RNGTT: variants seen among roughly 807,000 people sequenced by gnomAD.
The protein encoded by RNGTT is mRNA-capping enzyme.
In RNGTT, 33 loss-of-function variants were observed where a neutral mutation model predicts 79.3. The observed-to-expected ratio is 0.42, with a 90% CI of 0.32 to 0.56. The LOEUF (loss-of-function observed/expected upper bound fraction) is 0.56. Ranked by LOEUF, RNGTT falls within the 20% of genes least tolerant of loss-of-function variation. RNGTT has a pLI of 0.17. For synonymous variants in RNGTT, 222 were observed against 235.9 expected (o/e 0.94, Z 0.54); for missense variants, 497 against 739.1 (o/e 0.67, Z 3.80).
chr6:88,709,229 C>T (rs899651974), intron 13 of RNGTT, among the ~76,000 whole-genome samples: 7 of 151,898 alleles, frequency 4.6e-5, no homozygotes, highest in African/African-American at 1.2e-4. Flanking sequence ...CACTTGAACC[C>T]GGAAGGAGGA....
rs190148217 is a variant in RNGTT, at chr6:88,736,466, T to C, written c.1439+33308A>G. Among the ~76,000 whole-genome samples, 21 of 152,328 alleles carry C rather than the reference T, an allele frequency of 1.4e-4. No individual in the cohort carries two copies. In the East Asian group the frequency reaches 3.9e-3, roughly 28 times the overall value. On this transcript the variant is annotated intron_variant, in intron 13 of 15. Transcript: ENST00000369485. ...GAAATTGGATATTCACTCAGGAGAA[T>C]GATAACTAACTTCTCTAATACTTTG...
Position 88,891,147 on chromosome 6 carries a change from T to C in RNGTT, c.795-551A>G, listed in dbSNP as rs141155808. Among the ~76,000 whole-genome samples the C allele has an allele frequency of 5.0e-4, 76 of 152,296 alleles. No homozygotes were observed. The East Asian group carries it at 0.013, about 27-fold the overall frequency. On this transcript the variant is annotated intron_variant, in intron 7 of 15. Coordinates refer to ENST00000369485, the MANE Select transcript of RNGTT (RefSeq NM_003800.5). ...CATTAAAACCGATCTTATTTCTTCA[T>C]TGTTTTCATATTTTAGTTAAAACTA...
chr6:88,824,691 T>C (rs1175508789), intron 11 of RNGTT, among the ~76,000 whole-genome samples: 1 of 151,500 alleles, frequency 6.6e-6, no homozygotes, highest in Non-Finnish European at 1.5e-5. Flanking sequence ...AGAAAACACA[T>C]ATAAACAAGA....
intron 2 of RNGTT, among the ~76,000 whole-genome samples, chr6:88,931,077 A>G (rs914099274): frequency 3.3e-5 from 5 of 152,028 alleles, no homozygotes; most frequent in African/African-American, 1.2e-4. Context: ...TAATGTTCCA[A>G]TAAGCATTTC....
intron 13 of RNGTT, among the ~76,000 whole-genome samples, chr6:88,702,831 C>G: frequency 6.6e-6 from 1 of 151,996 alleles, no homozygotes; most frequent in East Asian, 1.9e-4. Flanking sequence ...CGGAATCTAT[C>G]AGTAACTGAA....
intron 11 of RNGTT, among the ~76,000 whole-genome samples, chr6:88,835,218 T>A (rs1781022747): frequency 6.6e-6 from 1 of 152,196 alleles, no homozygotes; most frequent in African/African-American, 2.4e-5. Context: ...TCTTTTTTAA[T>A]TCTAGCTTTT....
chr6:88,823,699 G>A (rs1780568169), intron 11 of RNGTT, among the ~76,000 whole-genome samples: 1 of 152,104 alleles, frequency 6.6e-6, no homozygotes, highest in African/African-American at 2.4e-5. Context: ...GTTAGAGCTG[G>A]TACAGGAAAA....
Position 88,706,438 on chromosome 6 carries a change from T to C in RNGTT, c.1440-28019A>G, listed in dbSNP as rs536149544. On this transcript the variant is annotated intron_variant, in intron 13 of 15. Transcript: ENST00000369485. ...TGTAAATTTATCTATTTTATATAAA[T>C]AACTTAGGGATACAAAGAACTGGCA... 3.9e-4 allele frequency among the ~76,000 whole-genome samples: 60 copies of C among 152,130 alleles called. No individual in the cohort carries two copies. The South Asian group carries it at 8.9e-3, about 23-fold the overall frequency.
chr6:88,706,544 G>A (rs542978743), intron 13 of RNGTT, among the ~76,000 whole-genome samples: 2 of 152,026 alleles, frequency 1.3e-5, no homozygotes, highest in South Asian at 4.1e-4. Flanking sequence ...AATTTAAAGG[G>A]TTCCAAGCAG....
chr6:88,849,476 A>T (rs1562284393), intron 10 of RNGTT, among the ~76,000 whole-genome samples: 2 of 151,974 alleles, frequency 1.3e-5, no homozygotes, highest in African/African-American at 4.8e-5. Flanking sequence ...TAAAATCAGA[A>T]ATGTTCATTT....
intron 2 of RNGTT, among the ~76,000 whole-genome samples, chr6:88,929,931 T>A (rs192200683): frequency 6.6e-6 from 1 of 150,700 alleles, no homozygotes; most frequent in Admixed American, 6.6e-5. Context: ...TATATACATA[T>A]GTATACATAT....
chr6:88,754,736 T>C (rs1675830054), intron 13 of RNGTT, among the ~76,000 whole-genome samples: 1 of 152,196 alleles, frequency 6.6e-6, no homozygotes, highest in Non-Finnish European at 1.5e-5. Context: ...GGAAAACCAC[T>C]TAAAGGCGTT....
intron 2 of RNGTT, among the ~76,000 whole-genome samples, chr6:88,940,779 C>T (rs910532807): frequency 1.3e-5 from 2 of 151,866 alleles, no homozygotes; most frequent in Admixed American, 6.5e-5. Context: ...TCAAACTGTA[C>T]TGAACTACAC....
intron 12 of RNGTT, among the ~76,000 whole-genome samples, chr6:88,787,530 G>A (rs984092822): frequency 5.9e-5 from 9 of 152,056 alleles, no homozygotes; most frequent in Non-Finnish European, 1.0e-4. Flanking sequence ...GTGGTGGTGC[G>A]GGCCTGCATT....
chr6:88,611,491 A>G lies in RNGTT; in HGVS notation c.*1228T>C, dbSNP rs1184115223. The G allele has an allele frequency of 6.6e-6, 1 of 152,600 alleles. No homozygotes were observed. Among genetic ancestry groups the G allele is most frequent in the East Asian group, 1.9e-4 (1 of 5,202 alleles). The allele number at this position is 152,600 out of a possible 1,614,324, so 9.5% of individuals were successfully genotyped here. A position where few individuals can be genotyped will look rare whatever the true frequency, so the allele number is the denominator to read the frequency against. On this transcript the variant is annotated 3_prime_UTR_variant, in exon 16 of 16. Coordinates refer to ENST00000369485, the MANE Select transcript of RNGTT (RefSeq NM_003800.5). ...ATTCTCAGAGTTCTTTCACAAACCAATTAGAACAGTTTATCAACAATGGCA... is the reference window on the plus strand; with the variant it reads ...ATTCTCAGAGTTCTTTCACAAACCAGTTAGAACAGTTTATCAACAATGGCA...
At chr6:88,763,123 G>C (rs879481577) in intron 13 of RNGTT, among the ~76,000 whole-genome samples, 1 of 75,446 alleles carries the variant, frequency 1.3e-5, no homozygotes, top group Non-Finnish European at 2.6e-5. Flanking sequence ...TGTATTTCTT[G>C]TTAGAAATGG....
intron 6 of RNGTT, among the ~76,000 whole-genome samples, chr6:88,900,015 C>T (rs1417373198): frequency 6.6e-6 from 1 of 152,050 alleles, no homozygotes; most frequent in African/African-American, 2.4e-5. Context: ...GCTCCTAATT[C>T]TCTGTAGAAG....
At position 88,938,805 on chromosome 6, in the gene RNGTT, A is replaced by G. The variant is rs546959794; in HGVS notation, c.174+2266T>C. Among the ~76,000 whole-genome samples the G allele has an allele frequency of 4.6e-5, 7 of 152,302 alleles. No homozygotes were observed. The South Asian group carries it at 1.4e-3, about 32-fold the overall frequency. ...AACGCATTTCTTACAGGACCAGTCC[A>G]GTTGTGGTGAATTCCCTCAGCTTTT... On this transcript the variant is annotated intron_variant, in intron 2 of 15. Transcript: ENST00000369485.
At chr6:88,698,232 TGAA>T (rs1186615691) in intron 13 of RNGTT, among the ~76,000 whole-genome samples, 7 of 101,656 alleles carry the variant, frequency 6.9e-5, no homozygotes, top group Admixed American at 2.9e-4. Context: ...CATATATATA[TGAA>T]ATATATATAT....
Sources: gnomAD v4.1 joint callset for allele counts (sites outside exome capture counted in the v4.1 genomes callset) on GRCh38, gnomAD v4.1.1 for gene constraint, MANE v1.5 for transcripts, NCBI Gene and HGNC (gene_info 2026-07-23, HGNC 2026-07-21) for gene names.